Variants in DTHD1 observed in about 807,000 individuals in gnomAD.
DTHD1 encodes the protein death domain containing 1.
In DTHD1, 59 loss-of-function variants were observed where a neutral mutation model predicts 74.8. The ratio of observed to expected loss-of-function variants is 0.79; its 90% CI spans 0.64 to 0.98. DTHD1 has a LOEUF of 0.98. Among genes scored for constraint, DTHD1 ranks in the 50% least tolerant of loss-of-function variants. The probability of loss-of-function intolerance (pLI) is 0.00; values close to 1 mark genes in which losing one functional copy is unlikely to be tolerated. For synonymous variants in DTHD1, 365 were observed against 371.1 expected (o/e 0.98, Z 0.19); for missense variants, 1,051 against 1,065.4 (o/e 0.99, Z 0.19).
At chr4:36,311,432 ATTC>A (rs932074260) in intron 7 of DTHD1, 4 of 152,020 alleles carry the variant, frequency 2.6e-5, no homozygotes, top group African/African-American at 9.7e-5. Flanking sequence ...AAAGCTAGAG[ATTC>A]TCTGCCTGGA....
chr4:36,324,134 T>A (rs1405889280), intron 8 of DTHD1, among the ~76,000 whole-genome samples: 1 of 150,526 alleles, frequency 6.6e-6, no homozygotes, highest in Non-Finnish European at 1.5e-5. Flanking sequence ...ATTTCCCTTC[T>A]CCTCCCCCCC....
chr4:36,294,674 A>G, intron 4 of DTHD1, 121 bp from the exon 5 acceptor site: 2 of 885,254 alleles, frequency 2.3e-6, no homozygotes, highest in South Asian at 6.5e-5. Flanking sequence ...TACAACTAAC[A>G]ATACATAGAG....
rs147083162 is a variant in DTHD1, at chr4:36,345,937, A to C, written c.*2113A>C. The stretch of plus-strand genomic sequence containing the variant: ...ATGTCCCATCACACACATCCCTGCC[A>C]CACACCTCTCACAAATGCACCCTCA... On this transcript the variant is annotated 3_prime_UTR_variant, in exon 10 of 10. Transcript: ENST00000639862. 1.3e-3 allele frequency among the ~76,000 whole-genome samples: 199 copies of C among 152,160 alleles called. No individual in the cohort carries two copies. The highest frequency in any genetic ancestry group is 4.5e-3 in the African/African-American group (186 of 41,528).
rs189807248 is a variant in DTHD1, at chr4:36,309,223, G to A, written c.2095+730G>A. ...GGCTGAGGCAGGCAAATCACTTGAG[G>A]TCAGGTGTTTGAGACCAGCCTGGCC... On this transcript the variant is annotated intron_variant, in intron 7 of 9. Coordinates refer to ENST00000639862, the MANE Select transcript of DTHD1 (RefSeq NM_001170700.3). Among the ~76,000 whole-genome samples, 285 of 152,186 alleles carry A rather than the reference G, an allele frequency of 1.9e-3. 3 individuals carry two copies. The highest frequency in any genetic ancestry group is 3.9e-3 in the East Asian group (20 of 5,182).
In DTHD1 at chr4:36,347,288, CT is replaced by C. The variant is rs2109597406; in HGVS notation, c.*3469del. Among the ~76,000 whole-genome samples the C allele has an allele frequency of 6.6e-6, 1 of 152,168 alleles. No individual in the cohort carries two copies. Among genetic ancestry groups the C allele is most frequent in the African/African-American group, 2.4e-5 (1 of 41,542 alleles). On this transcript the variant is annotated 3_prime_UTR_variant, in exon 10 of 10. Coordinates refer to ENST00000639862, the MANE Select transcript of DTHD1 (RefSeq NM_001170700.3). ...GCAGTATATATTCTTTTATGTTTGA[CT>C]TTTTATTCAACTTTATGTTGCTGAA... is the stretch of plus-strand genomic sequence containing the variant.
Position 36,284,322 on chromosome 4 carries a change from G to C in DTHD1, c.618G>C (p.Glu206Asp), listed in dbSNP as rs1283049028. Residue 206 changes from glutamate to aspartate, a missense_variant, in exon 2 of 10, where the codon GAG becomes GAC. By Grantham distance (45) the Glu-to-Asp change is conservative. Coordinates refer to ENST00000639862, the MANE Select transcript of DTHD1 (RefSeq NM_001170700.3). Reference protein sequence around the residue: ...SLNGRVLGQEESQNKMFPDNA... With the variant: ...SLNGRVLGQEDSQNKMFPDNA... ...ATGGACGTGTACTGGGGCAAGAAGA[G>C]TCACAGAATAAAATGTTCCCAGATA... The C allele has an allele frequency of 3.9e-6, 6 of 1,537,062 alleles. No individual in the cohort carries two copies. The Admixed American group carries it at 5.9e-5, about 15-fold the overall frequency.
intron 8 of DTHD1, among the ~76,000 whole-genome samples, chr4:36,317,005 T>G (rs1214388015): frequency 6.6e-6 from 1 of 152,238 alleles, no homozygotes; most frequent in East Asian, 1.9e-4. Context: ...ATTTTATTGC[T>G]GTATATTACA....
In DTHD1 at chr4:36,306,226, A is replaced by G. The variant is rs2109493429; in HGVS notation, c.1679A>G (p.Asn560Ser). 2 of 1,551,922 alleles carry G rather than the reference A, an allele frequency of 1.3e-6. No individual in the cohort carries two copies. Among genetic ancestry groups the G allele is most frequent in the Non-Finnish European group, 1.7e-6 (2 of 1,147,016 alleles). The change falls in exon 6 of 10, where the codon AAT (asparagine) becomes AGT (serine). Residue 560 changes from asparagine to serine, a missense_variant. Physicochemically the swap from Asn to Ser is conservative, Grantham distance 46. Transcript: ENST00000639862. ...KIASIRKPRKNASECLKLLGF... is the reference protein window; with the variant it reads ...KIASIRKPRKSASECLKLLGF... Reference sequence around the variant, plus strand: ...GCCTCCATAAGAAAACCTAGGAAAAATGCCAGTGAATGTTTGAAATTACTG... The same window carrying G: ...GCCTCCATAAGAAAACCTAGGAAAAGTGCCAGTGAATGTTTGAAATTACTG...
intron 8 of DTHD1, among the ~76,000 whole-genome samples, chr4:36,327,975 C>G (rs1312455828): frequency 6.6e-6 from 1 of 152,070 alleles, no homozygotes; most frequent in Non-Finnish European, 1.5e-5. Context: ...AATCCCCCCT[C>G]CCCTTGAAAA....
chr4:36,281,991 T>C lies in DTHD1; in HGVS notation c.233T>C (p.Val78Ala). ...TLRSTCQQLH[V>A]LLDKENQCVS... ...CGTTCCACCTGCCAGCAGCTGCATG[T>C]GCTGCTTGACAAAGAGAATCAATGT... Residue 78 changes from valine (V) to alanine (A), a missense_variant, in exon 1 of 10, where the codon GTG becomes GCG. Val to Ala is a moderately conservative substitution (Grantham distance 64). Transcript: ENST00000639862. 2.6e-6 allele frequency: 4 copies of C among 1,518,698 alleles called. No homozygotes were observed. Among genetic ancestry groups the C allele is most frequent in the South Asian group, 1.3e-5 (1 of 78,944 alleles). The allele number at this position is 1,518,698 out of a possible 1,614,324, so 94.1% of individuals were successfully genotyped here.
intron 5 of DTHD1, among the ~76,000 whole-genome samples, chr4:36,302,486 C>T (rs572647796): frequency 6.6e-6 from 1 of 151,708 alleles, no homozygotes; most frequent in East Asian, 1.9e-4. Context: ...GTGATTACAC[C>T]GATTACAAAT....
At chr4:36,314,459 C>G (rs936926462) in intron 7 of DTHD1, among the ~76,000 whole-genome samples, 3 of 147,628 alleles carry the variant, frequency 2.0e-5, no homozygotes, top group Non-Finnish European at 4.5e-5. Flanking sequence ...GATTGCTTGC[C>G]TTCAGGAGAG....
At chr4:36,302,477 TGATTACACC>T (rs1452322686) in intron 5 of DTHD1, among the ~76,000 whole-genome samples, 6 of 152,206 alleles carry the variant, frequency 3.9e-5, no homozygotes, top group South Asian at 4.1e-4. Flanking sequence ...TATCCAACAG[TGATTACACC>T]GATTACAAAT....
At chr4:36,335,914 T>G (rs1758985612) in intron 8 of DTHD1, among the ~76,000 whole-genome samples, 1 of 152,234 alleles carries the variant, frequency 6.6e-6, no homozygotes. Context: ...ACAGTGGCTA[T>G]AAAACTCAAG....
intron 5 of DTHD1, among the ~76,000 whole-genome samples, chr4:36,297,210 A>C (rs2109470444): frequency 6.6e-6 from 1 of 152,290 alleles, no homozygotes; most frequent in South Asian, 2.1e-4. Context: ...AAATCTGTGC[A>C]CAAGCACACC....
intron 8 of DTHD1, among the ~76,000 whole-genome samples, chr4:36,319,571 T>C (rs1757942058): frequency 6.6e-6 from 1 of 152,090 alleles, no homozygotes; most frequent in African/African-American, 2.4e-5. Context: ...AAGCCAGTGG[T>C]GGTTGGAATT....
rs769909057 is a variant in DTHD1, at chr4:36,290,434, T to C, written c.949T>C (p.Ser317Pro). The change falls in exon 3 of 10, where the codon TCA (serine) becomes CCA (proline). Residue 317 changes from serine (S) to proline (P), a missense_variant. Transcript: ENST00000639862. ...AGTGTCTTGTTATATTACAGCACCA[T>C]CATATGTTCTACAACAACTAGAATG... ...PQVSCYITAP[S>P]YVLQQLECRI... The C allele has an allele frequency of 6.4e-7, 1 of 1,551,992 alleles. No homozygotes were observed. The highest frequency in any genetic ancestry group is 1.2e-5 in the South Asian group (1 of 84,060).
At chr4:36,340,766 T>C (rs1759269732) in intron 9 of DTHD1, among the ~76,000 whole-genome samples, 2 of 150,332 alleles carry the variant, frequency 1.3e-5, no homozygotes, top group African/African-American at 4.9e-5. Context: ...TTTCCCATAG[T>C]TAGTGGTGAT....
At chr4:36,315,985 G>C (rs1757689300) in intron 7 of DTHD1, among the ~76,000 whole-genome samples, 1 of 152,174 alleles carries the variant, frequency 6.6e-6, no homozygotes, top group South Asian at 2.1e-4. Flanking sequence ...GCCCAGGCTG[G>C]AGTGCAGTGG....
Sources: allele counts gnomAD v4.1 joint callset (sites outside exome capture counted in the v4.1 genomes callset), GRCh38; gene constraint gnomAD v4.1.1; transcripts MANE v1.5; gene names NCBI Gene and HGNC (gene_info 2026-07-23, HGNC 2026-07-21).